TMEM178B: variants seen among roughly 807,000 people sequenced by gnomAD.
TMEM178B encodes the protein transmembrane protein 178B.
In TMEM178B, 5 loss-of-function variants were observed where a neutral mutation model predicts 31.0. The observed-to-expected ratio is 0.16, with a 90% confidence interval of 0.08 to 0.34. TMEM178B has a LOEUF of 0.34. Ranked by LOEUF, TMEM178B falls within the 10% of genes least tolerant of loss-of-function variation. The pLI, the probability that TMEM178B is intolerant of heterozygous loss-of-function variation, is 1.00. For missense variants in TMEM178B, 275 were observed against 400.3 expected (o/e 0.69, Z 2.67); for synonymous variants, 164 against 164.0 (o/e 1.00, Z 0.00).
intron 2 of TMEM178B, among the ~76,000 whole-genome samples, chr7:141,412,751 G>A (rs1192700183): frequency 6.6e-6 from 1 of 152,158 alleles, no homozygotes; most frequent in Admixed American, 6.5e-5. Context: ...CCTTTGTGGA[G>A]CACATAGTAT....
intron 2 of TMEM178B, among the ~76,000 whole-genome samples, chr7:141,398,183 T>C (rs1010272874): frequency 6.6e-6 from 1 of 152,156 alleles, no homozygotes; most frequent in East Asian, 1.9e-4. Context: ...AAAGCAAACT[T>C]TAGGATATTT....
intron 2 of TMEM178B, among the ~76,000 whole-genome samples, chr7:141,380,905 A>G (rs895362197): frequency 3.3e-5 from 5 of 152,188 alleles, no homozygotes; most frequent in Admixed American, 2.6e-4. Flanking sequence ...AGATTCAAAT[A>G]TACATCTAGA....
chr7:141,315,810 A>G lies in TMEM178B; in HGVS notation c.496+103106A>G, dbSNP rs182237610. Among the ~76,000 whole-genome samples, 4 of 152,250 alleles carry G rather than the reference A, an allele frequency of 2.6e-5. No homozygotes were observed. In the East Asian group the frequency reaches 7.7e-4, roughly 29 times the overall value. On this transcript the variant is annotated intron_variant, in intron 2 of 3. Coordinates refer to ENST00000565468, the MANE Select transcript of TMEM178B (RefSeq NM_001195278.2). ...GGAATGAAGTTTAAGGTTATCTGGGACTTCTACCTTATTTTAATCAAGAAA... is the reference window on the plus strand; with the variant it reads ...GGAATGAAGTTTAAGGTTATCTGGGGCTTCTACCTTATTTTAATCAAGAAA...
intron 3 of TMEM178B, among the ~76,000 whole-genome samples, chr7:141,464,750 C>T (rs989861155): frequency 1.3e-5 from 2 of 152,260 alleles, no homozygotes; most frequent in African/African-American, 4.8e-5. Flanking sequence ...CCTCCTTCCC[C>T]ATCATCACAG....
At position 141,412,347 on chromosome 7, in the gene TMEM178B, G is replaced by A. The variant is rs537503546; in HGVS notation, c.497-25261G>A. Among the ~76,000 whole-genome samples, 13 of 152,276 alleles carry A rather than the reference G, an allele frequency of 8.5e-5. No individual in the cohort carries two copies. The South Asian group carries it at 1.2e-3, about 15-fold the overall frequency. On this transcript the variant is annotated intron_variant, in intron 2 of 3. Coordinates refer to ENST00000565468, the MANE Select transcript of TMEM178B (RefSeq NM_001195278.2). The stretch of plus-strand genomic sequence containing the variant: ...GAACGAAGTGTAAAATCTAACCAAC[G>A]TTTGAATATTCTGATTCAACCTCAT...
At chr7:141,509,827 G>T in the TMEM178B span, among the ~76,000 whole-genome samples, 1 of 152,172 alleles carries the variant, frequency 6.6e-6, no homozygotes, top group East Asian at 1.9e-4. Flanking sequence ...AACACTGTTG[G>T]TTTCCTCTCA....
rs994666964 is a variant in TMEM178B at position 141,386,547 on chromosome 7, G to A, written c.497-51061G>A. ...TTTGATGTTTTGATACATACATGTT[G>A]TATAATGATCAAATCAAGATATTTA... On this transcript the variant is annotated intron_variant, in intron 2 of 3. Transcript: ENST00000565468. 2.6e-5 allele frequency among the ~76,000 whole-genome samples: 4 copies of A among 152,174 alleles called. No individual in the cohort carries two copies. In the East Asian group the frequency reaches 5.8e-4, roughly 22 times the overall value.
intron 2 of TMEM178B, among the ~76,000 whole-genome samples, chr7:141,262,112 A>G (rs763520545): frequency 2.0e-5 from 3 of 152,202 alleles, no homozygotes; most frequent in Non-Finnish European, 2.9e-5. Context: ...TGCCAAAACT[A>G]GAACCAGTTT....
At chr7:141,462,366 C>A (rs1025670536) in intron 3 of TMEM178B, among the ~76,000 whole-genome samples, 1 of 152,036 alleles carries the variant, frequency 6.6e-6, no homozygotes, top group Non-Finnish European at 1.5e-5. Flanking sequence ...TTGAATATAC[C>A]GTGCCCCTGG....
intron 2 of TMEM178B, among the ~76,000 whole-genome samples, chr7:141,249,177 A>G (rs1797788721): frequency 6.6e-6 from 1 of 152,164 alleles, no homozygotes; most frequent in African/African-American, 2.4e-5. Context: ...GGACAGACCC[A>G]GTGGGAGATC....
At chr7:141,076,774 A>C (rs1794606665) in intron 1 of TMEM178B, among the ~76,000 whole-genome samples, 1 of 152,194 alleles carries the variant, frequency 6.6e-6, no homozygotes. Flanking sequence ...TGATACCTAG[A>C]GTTGGCAGGG....
chr7:141,422,418 C>T lies in TMEM178B; in HGVS notation c.497-15190C>T, dbSNP rs1453740704. Among the ~76,000 whole-genome samples the T allele has an allele frequency of 6.6e-6, 1 of 152,226 alleles. No homozygotes were observed. The highest frequency in any genetic ancestry group is 1.5e-5 in the Non-Finnish European group (1 of 68,048). ...CTTCACCTCCCATTTCTGGTGCTAC[C>T]TCACAATGGAGACTCTTCTTGTTGG... On this transcript the variant is annotated intron_variant, in intron 2 of 3. Coordinates refer to ENST00000565468, the MANE Select transcript of TMEM178B (RefSeq NM_001195278.2). The surrounding 1 kb of genome is among the most constrained non-coding windows in gnomAD (Gnocchi z 4.2).
At chr7:141,293,536 T>A (rs1798582416) in intron 2 of TMEM178B, among the ~76,000 whole-genome samples, 1 of 152,028 alleles carries the variant, frequency 6.6e-6, no homozygotes, top group African/African-American at 2.4e-5. Flanking sequence ...AGTGGAATGG[T>A]GGCTAAGAGT....
At chr7:141,119,800 G>A (rs1396558585) in intron 1 of TMEM178B, among the ~76,000 whole-genome samples, 1 of 152,142 alleles carries the variant, frequency 6.6e-6, no homozygotes, top group Non-Finnish European at 1.5e-5. Context: ...ATACCCTCTG[G>A]TGCAGCTCTC....
chr7:141,174,157 C>G (rs989085496), intron 1 of TMEM178B, among the ~76,000 whole-genome samples: 45 of 152,140 alleles, frequency 3.0e-4, no homozygotes, highest in Non-Finnish European at 1.5e-5. Flanking sequence ...GTTCCCCTCC[C>G]TGTGTCCATG....
chr7:141,392,532 C>G (rs1780099330), intron 2 of TMEM178B, among the ~76,000 whole-genome samples: 1 of 152,130 alleles, frequency 6.6e-6, no homozygotes, highest in African/African-American at 2.4e-5. Flanking sequence ...ATCAGCATAC[C>G]TACATAGCCA....
intron 1 of TMEM178B, among the ~76,000 whole-genome samples, chr7:141,153,290 T>A (rs1244000996): frequency 6.6e-6 from 1 of 152,220 alleles, no homozygotes; most frequent in African/African-American, 2.4e-5. Context: ...ACGTTGAAGA[T>A]TTTTTCAACA....
In TMEM178B at chr7:141,344,590, TC is replaced by T. The variant is rs1563157446; in HGVS notation, c.497-93016del. The stretch of plus-strand genomic sequence containing the variant: ...CTCCCTCCTCCCTTCCTTCCTTCCT[TC>T]CTTCCTTCCTTCCTTCCTTCCTTCC... On this transcript the variant is annotated intron_variant, in intron 2 of 3. Transcript: ENST00000565468. This position sits in a 1 kb window ranked among gnomAD's most constrained non-coding sequence, Gnocchi z 4.1. 5.5e-5 allele frequency among the ~76,000 whole-genome samples: 7 copies of T among 127,364 alleles called. No individual in the cohort carries two copies. 83.6% of individuals were successfully genotyped at this position (127,364 alleles called of 152,430 possible). A position where few individuals can be genotyped will look rare whatever the true frequency, so the allele number is the denominator to read the frequency against.
chr7:141,199,580 T>TTC (rs1001309646), intron 1 of TMEM178B, among the ~76,000 whole-genome samples: 3 of 151,736 alleles, frequency 2.0e-5, no homozygotes, highest in East Asian at 1.9e-4. Flanking sequence ...TTCCTTCCTC[T>TTC]TCTCTCTCTC....
Sources: gnomAD v4.1 joint callset for allele counts (sites outside exome capture counted in the v4.1 genomes callset) on GRCh38, gnomAD v4.1.1 for gene constraint, Gnocchi (gnomAD v3.1) non-coding constraint, MANE v1.5 for transcripts, NCBI Gene and HGNC (gene_info 2026-07-23, HGNC 2026-07-21) for gene names.